SLC38A8: variants seen among roughly 807,000 people sequenced by gnomAD.
The protein encoded by SLC38A8 is amino acid transporter SLC38A8.
SLC38A8 carries 65 observed loss-of-function variants against 46.0 expected under a neutral mutation model. The ratio of observed to expected loss-of-function variants is 1.41; its 90% CI spans 1.16 to 1.74. The LOEUF (loss-of-function observed/expected upper bound fraction) is 1.74. Among genes scored for constraint, SLC38A8 ranks in the 40% most tolerant of loss-of-function variants. The pLI, the probability that SLC38A8 is intolerant of heterozygous loss-of-function variation, is 0.00. For missense variants in SLC38A8, 998 were observed against 567.9 expected (o/e 1.76, Z -7.70); for synonymous variants, 447 against 243.7 (o/e 1.83, Z -7.77).
chr16:84,029,695 C>T (rs1026231382), intron 5 of SLC38A8, 144 bp from the exon 6 acceptor site: 3 of 808,978 alleles, frequency 3.7e-6, no homozygotes, highest in Non-Finnish European at 5.9e-6. Flanking sequence ...GTGTCCGTGA[C>T]CGGGCTTTTG....
chr16:84,027,948 GCAGGA>G (rs1267712645), intron 6 of SLC38A8, among the ~76,000 whole-genome samples: 1 of 152,178 alleles, frequency 6.6e-6, no homozygotes, highest in East Asian at 1.9e-4. Context: ...TATTGGGCGT[GCAGGA>G]AGCAATGTGA....
intron 6 of SLC38A8, among the ~76,000 whole-genome samples, chr16:84,027,279 G>A (rs1343256682): frequency 1.3e-5 from 2 of 152,214 alleles, no homozygotes; most frequent in African/African-American, 4.8e-5. Context: ...GAACCCAGGA[G>A]GCGGAGGCTG....
At position 84,031,762 on chromosome 16, in the gene SLC38A8, G is replaced by C. The variant is rs1372882821; in HGVS notation, c.632+105C>G. The C allele has an allele frequency of 9.6e-6, 9 of 937,724 alleles. No homozygotes were observed. The South Asian group carries it at 1.3e-4, about 14-fold the overall frequency. 58.1% of individuals were successfully genotyped at this position (937,724 alleles called of 1,614,324 possible). A position where few individuals can be genotyped will look rare whatever the true frequency, so the allele number is the denominator to read the frequency against. ...AAAGAACTGGAAGGAAGGAGCCCAGGCTCTGCAGTGAGCCACGAGAGGCTC... is the reference window on the plus strand; with the variant it reads ...AAAGAACTGGAAGGAAGGAGCCCAGCCTCTGCAGTGAGCCACGAGAGGCTC... On this transcript the variant is annotated intron_variant, in intron 5 of 10. Coordinates refer to ENST00000299709, the MANE Select transcript of SLC38A8 (RefSeq NM_001080442.3).
At chr16:84,043,197 G>C (rs1005652378), upstream of SLC38A8, among the ~76,000 whole-genome samples, 17 of 152,182 alleles carry the variant, frequency 1.1e-4, no homozygotes, top group Admixed American at 8.5e-4. Context: ...TTGAACGCTT[G>C]GGGGAGGCGG....
chr16:84,035,179 A>G (rs2085287748), intron 3 of SLC38A8, among the ~76,000 whole-genome samples: 1 of 152,208 alleles, frequency 6.6e-6, no homozygotes, highest in African/African-American at 2.4e-5. Flanking sequence ...TTCTTAACAC[A>G]GCAACGCTAC....
chr16:84,014,224 C>T (rs1305489752), intron 9 of SLC38A8, among the ~76,000 whole-genome samples: 1 of 151,630 alleles, frequency 6.6e-6, no homozygotes, highest in Non-Finnish European at 1.5e-5. Context: ...ACACCCTCAC[C>T]TCTGAAAGCT....
At chr16:84,043,278 G>A (rs2085387104), upstream of SLC38A8, among the ~76,000 whole-genome samples, 1 of 152,320 alleles carries the variant, frequency 6.6e-6, no homozygotes, top group African/African-American at 2.4e-5. Flanking sequence ...TCAGCTAAGG[G>A]GACAGAATAT....
intron 7 of SLC38A8, among the ~76,000 whole-genome samples, chr16:84,019,613 C>T (rs991352677): frequency 5.9e-5 from 9 of 152,178 alleles, no homozygotes; most frequent in African/African-American, 2.2e-4. Context: ...AACTCATATC[C>T]TCCTCGCAGA....
At position 84,024,213 on chromosome 16, in the gene SLC38A8, G is replaced by C. The variant is rs180809022; in HGVS notation, c.691-1324C>G. Among the ~76,000 whole-genome samples the C allele has an allele frequency of 4.6e-5, 7 of 152,326 alleles. No individual in the cohort carries two copies. The East Asian group carries it at 1.4e-3, about 29-fold the overall frequency. ...ACTCTGTGGTGCTAGAAGGCAGGAT[G>C]GTGGTTTGGGTAGGGTGGGTGCTAC... On this transcript the variant is annotated intron_variant, in intron 6 of 10. Transcript: ENST00000299709.
intron 2 of SLC38A8, among the ~76,000 whole-genome samples, chr16:84,041,577 G>C (rs1469557949): frequency 6.6e-6 from 1 of 152,162 alleles, no homozygotes; most frequent in Non-Finnish European, 1.5e-5. Flanking sequence ...CCTCCCAAAG[G>C]GCTGCGATTA....
intron 6 of SLC38A8, among the ~76,000 whole-genome samples, chr16:84,024,389 G>A (rs114966063): frequency 6.6e-6 from 1 of 152,114 alleles, no homozygotes; most frequent in East Asian, 1.9e-4. Context: ...ACATTGCCCA[G>A]GCTGGTCTCA....
intron 6 of SLC38A8, among the ~76,000 whole-genome samples, chr16:84,027,597 C>G (rs2085180730): frequency 6.6e-6 from 1 of 152,116 alleles, no homozygotes; most frequent in African/African-American, 2.4e-5. Flanking sequence ...CCAGCCTTAC[C>G]CCCTTTTCCC....
intron 7 of SLC38A8, among the ~76,000 whole-genome samples, chr16:84,020,964 G>C (rs1327706054): frequency 6.6e-6 from 1 of 152,106 alleles, no homozygotes; most frequent in Non-Finnish European, 1.5e-5. Flanking sequence ...TTTTTTGCCT[G>C]TTCCAGCATA....
At chr16:84,015,009 C>T (rs1033158936) in intron 9 of SLC38A8, among the ~76,000 whole-genome samples, 2 of 152,144 alleles carry the variant, frequency 1.3e-5, no homozygotes, top group African/African-American at 2.4e-5. Context: ...TGTTAAGTTT[C>T]ACCAATGGGC....
At chr16:84,032,722 T>C (rs773914724) in intron 4 of SLC38A8, among the ~76,000 whole-genome samples, 2 of 152,164 alleles carry the variant, frequency 1.3e-5, no homozygotes, top group Non-Finnish European at 2.9e-5. Context: ...TTCTATACAA[T>C]GTCTATTGTT....
At chr16:84,014,893 T>C (rs74032386) in intron 9 of SLC38A8, among the ~76,000 whole-genome samples, 8,972 of 152,214 alleles carry the variant, frequency 0.059, 292 homozygotes, top group Middle Eastern at 0.11. Flanking sequence ...CTCCGGGGTA[T>C]TGACAAAGTT....
chr16:84,040,382 A>G (rs1276939397), intron 2 of SLC38A8, among the ~76,000 whole-genome samples: 1 of 152,312 alleles, frequency 6.6e-6, no homozygotes, highest in East Asian at 1.9e-4. Context: ...TAAGCAAAAC[A>G]AAACAGCTGT....
At chr16:84,017,778 C>G (rs1397756685) in intron 7 of SLC38A8, among the ~76,000 whole-genome samples, 1 of 152,186 alleles carries the variant, frequency 6.6e-6, no homozygotes, top group Non-Finnish European at 1.5e-5. Context: ...CAGGGTGACA[C>G]TGCTTCTGTC....
intron 10 of SLC38A8, among the ~76,000 whole-genome samples, chr16:84,011,183 C>T (rs1352495555): frequency 6.6e-6 from 1 of 152,220 alleles, no homozygotes; most frequent in African/African-American, 2.4e-5. Context: ...TGCCTGTGGG[C>T]TGTGGCACTC....
Sources: gnomAD v4.1 joint callset for allele counts (sites outside exome capture counted in the v4.1 genomes callset) on GRCh38, gnomAD v4.1.1 for gene constraint, MANE v1.5 for transcripts, NCBI Gene and HGNC (gene_info 2026-07-23, HGNC 2026-07-21) for gene names.